The following MIB1 variants were observed in gnomAD, a reference collection of about 807,000 sequenced individuals.
The protein encoded by MIB1 is E3 ubiquitin-protein ligase MIB1.
MIB1 carries 278 observed loss-of-function variants against 124.5 expected under a neutral mutation model. That is an observed-to-expected ratio of 2.23 (90% CI 2.02 to 2.47). The LOEUF is 2.47. Among genes scored for constraint, MIB1 ranks in the 30% most tolerant of loss-of-function variants. The probability of loss-of-function intolerance (pLI) is 0.00; values close to 1 mark genes in which losing one functional copy is unlikely to be tolerated. For synonymous variants in MIB1, 446 were observed against 429.4 expected (o/e 1.04, Z -0.48); for missense variants, 957 against 1,254.4 (o/e 0.76, Z 3.58).
chr18:21,837,114 C>T (rs1465675400), intron 12 of MIB1, among the ~76,000 whole-genome samples: 3 of 152,132 alleles, frequency 2.0e-5, no homozygotes, highest in East Asian at 1.9e-4. Flanking sequence ...CCAAAGAAGC[C>T]TGTTATCCCC....
At chr18:21,772,699 A>T (rs1026591435) in intron 3 of MIB1, among the ~76,000 whole-genome samples, 9 of 152,154 alleles carry the variant, frequency 5.9e-5, no homozygotes, top group African/African-American at 1.9e-4. Flanking sequence ...TTTTTAATCC[A>T]GTGAATTCAA....
chr18:21,811,092 A>G (rs1462339470), intron 10 of MIB1, among the ~76,000 whole-genome samples: 4 of 152,166 alleles, frequency 2.6e-5, no homozygotes, highest in Non-Finnish European at 4.4e-5. Flanking sequence ...AAGAATATGT[A>G]TGAATGATCA....
At chr18:21,737,592 TAAAG>T (rs1269723781), upstream of MIB1, among the ~76,000 whole-genome samples, 2 of 152,032 alleles carry the variant, frequency 1.3e-5, no homozygotes, top group African/African-American at 2.4e-5. Flanking sequence ...GCAAATTGGA[TAAAG>T]AGTCAAGACC....
In MIB1 at chr18:21,870,108, A is replaced by T. The variant is rs1426095077; in HGVS notation, c.*5442A>T. The T allele has an allele frequency of 1.3e-5, 2 of 152,560 alleles. No individual in the cohort carries two copies. Among genetic ancestry groups the T allele is most frequent in the Non-Finnish European group, 2.9e-5 (2 of 67,980 alleles). 9.5% of individuals were successfully genotyped at this position (152,560 alleles called of 1,614,324 possible). On this transcript the variant is annotated 3_prime_UTR_variant, in exon 21 of 21. Coordinates refer to ENST00000261537, the MANE Select transcript of MIB1 (RefSeq NM_020774.4). ...AGCTTTTGTTAAAGAATGCTTAGTA[A>T]GAGCTAAGCTTTTAAAAGTAATGCA...
intron 20 of MIB1, among the ~76,000 whole-genome samples, chr18:21,863,246 C>T (rs935914445): frequency 2.6e-5 from 4 of 152,230 alleles, no homozygotes; most frequent in South Asian, 2.1e-4. Context: ...CCACGGACAG[C>T]GGTGTGTTAT....
chr18:21,800,452 G>A (rs957481490), intron 9 of MIB1, among the ~76,000 whole-genome samples: 1 of 151,884 alleles, frequency 6.6e-6, no homozygotes, highest in Non-Finnish European at 1.5e-5. Flanking sequence ...AATTTATAAG[G>A]CAGATGAATT....
intron 1 of MIB1, among the ~76,000 whole-genome samples, chr18:21,743,353 G>A (rs1043287124): frequency 5.9e-5 from 9 of 152,150 alleles, no homozygotes; most frequent in Non-Finnish European, 1.2e-4. Flanking sequence ...TGGCTGCATA[G>A]TATTCCAGTG....
chr18:21,720,844 A>G (rs1189672804), intron 1 of MIB1, among the ~76,000 whole-genome samples: 1 of 152,152 alleles, frequency 6.6e-6, no homozygotes, highest in East Asian at 1.9e-4. Context: ...AGTCTTAGCT[A>G]CTTGAGAGGC....
At chr18:21,838,215 C>A in intron 12 of MIB1, 150 bp from the exon 13 acceptor site, 2 of 558,602 alleles carry the variant, frequency 3.6e-6, no homozygotes, top group South Asian at 3.3e-5. Context: ...TAAATTAAAG[C>A]TGCACATTTG....
chr18:21,861,239 C>T (rs1207113413), intron 20 of MIB1, among the ~76,000 whole-genome samples: 1 of 151,912 alleles, frequency 6.6e-6, no homozygotes, highest in African/African-American at 2.4e-5. Context: ...TTGGCTAGTT[C>T]TAATATAAAA....
Position 21,843,190 on chromosome 18 carries a change from T to TG in MIB1, c.2023dup (p.Glu675GlyfsTer9). 1.3e-6 allele frequency: 2 copies of TG among 1,599,686 alleles called. No individual in the cohort carries two copies. Among genetic ancestry groups the TG allele is most frequent in the East Asian group, 2.3e-5 (1 of 43,848 alleles). Reference sequence around the variant, plus strand: ...AACAAACTGCCCTACACCTTGCTGTTGAACGACAGCATACCCAGATTGTTA... The same window carrying TG: ...AACAAACTGCCCTACACCTTGCTGTTGGAACGACAGCATACCCAGATTGTTA... On this transcript the variant is annotated frameshift_variant, in exon 14 of 21. Coordinates refer to ENST00000261537, the MANE Select transcript of MIB1 (RefSeq NM_020774.4). LOFTEE classifies it high-confidence loss of function.
intron 6 of MIB1, among the ~76,000 whole-genome samples, chr18:21,779,960 A>T (rs2041339936): frequency 6.6e-6 from 1 of 151,858 alleles, no homozygotes; most frequent in African/African-American, 2.4e-5. Context: ...TTTTTCCTTC[A>T]AGAGGAGAAT....
chr18:21,764,689 T>A (rs2041135957), intron 1 of MIB1, among the ~76,000 whole-genome samples: 1 of 151,450 alleles, frequency 6.6e-6, no homozygotes, highest in Non-Finnish European at 1.5e-5. Context: ...TTTACCTAAA[T>A]CCCACTTTAC....
intron 1 of MIB1, among the ~76,000 whole-genome samples, chr18:21,735,099 G>T (rs1169587258): frequency 6.6e-6 from 1 of 152,212 alleles, no homozygotes; most frequent in Non-Finnish European, 1.5e-5. Context: ...GGCTGGCAAG[G>T]TGGCCAAATA....
chr18:21,771,210 T>C (rs1163762169), intron 3 of MIB1, among the ~76,000 whole-genome samples: 1 of 152,212 alleles, frequency 6.6e-6, no homozygotes, highest in African/African-American at 2.4e-5. Flanking sequence ...TCTTATGCCC[T>C]CCACTTTGTT....
At chr18:21,780,091 G>A (rs2041341367) in intron 6 of MIB1, among the ~76,000 whole-genome samples, 2 of 151,920 alleles carry the variant, frequency 1.3e-5, no homozygotes, top group Admixed American at 1.3e-4. Context: ...ATATCTCCAG[G>A]GTCATCTCTT....
chr18:21,839,091 C>T (rs2042059604), intron 13 of MIB1, among the ~76,000 whole-genome samples: 1 of 152,164 alleles, frequency 6.6e-6, no homozygotes, highest in South Asian at 2.1e-4. Context: ...CATGTGCAAG[C>T]ATAAACCATA....
intron 12 of MIB1, among the ~76,000 whole-genome samples, chr18:21,833,411 A>G (rs769640614): frequency 2.0e-4 from 30 of 152,220 alleles, no homozygotes; most frequent in Non-Finnish European, 3.5e-4. Context: ...AGCATGCCCA[A>G]AAGAACTACT....
At chr18:21,745,450 G>A (rs2040900618) in intron 1 of MIB1, among the ~76,000 whole-genome samples, 1 of 152,130 alleles carries the variant, frequency 6.6e-6, no homozygotes, top group Non-Finnish European at 1.5e-5. Flanking sequence ...GTCCCCTAGT[G>A]GGGGCAAAAT....
Sources: gnomAD v4.1 joint callset for allele counts (sites outside exome capture counted in the v4.1 genomes callset) on GRCh38, gnomAD v4.1.1 for gene constraint, MANE v1.5 for transcripts, NCBI Gene and HGNC (gene_info 2026-07-23, HGNC 2026-07-21) for gene names.